Variants in LRRC4C observed in about 807,000 individuals in gnomAD.
LRRC4C encodes leucine rich repeat containing 4C.
Under a neutral mutation model 33.6 loss-of-function variants are expected in LRRC4C, and 5 were observed. That is an observed-to-expected ratio of 0.15 (90% CI 0.08 to 0.31). The LOEUF is 0.31. LRRC4C is among the 10% of genes least tolerant of loss of function. LRRC4C has a pLI of 1.00. For missense variants in LRRC4C, 560 were observed against 796.7 expected, an observed-to-expected ratio of 0.70 and a Z score of 3.58; for synonymous variants, 329 against 302.0, an observed-to-expected ratio of 1.09 and a Z score of -0.93.
chr11:40,961,954 G>A lies in LRRC4C; in HGVS notation c.-495-28231C>T, dbSNP rs556975687. On this transcript the variant is annotated intron_variant, in intron 1 of 6. Transcript: ENST00000528697. ...TCTTTTTGGAAATATATTTTTATAG[G>A]AGCACAGCCATACCCATTATTTATG... Among the ~76,000 whole-genome samples, 3 of 151,530 alleles carry A rather than the reference G, an allele frequency of 2.0e-5. No individual in the cohort carries two copies. In the South Asian group the frequency reaches 6.2e-4, roughly 31 times the overall value.
chr11:40,171,248 C>T (rs1190058489), intron 5 of LRRC4C, among the ~76,000 whole-genome samples: 1 of 152,102 alleles, frequency 6.6e-6, no homozygotes, highest in African/African-American at 2.4e-5. Flanking sequence ...AAACTTATTT[C>T]TACAGTCTTG....
In LRRC4C at chr11:40,344,258, C is replaced by A. The variant is rs530261502; in HGVS notation, c.-269-24537G>T. ...ATACATGCAAAAATCATCAACAAGA[C>A]ACTAGAAAACCAAACCCAGCAGCAC... On this transcript the variant is annotated intron_variant, in intron 3 of 6. Transcript: ENST00000528697. Among the ~76,000 whole-genome samples the A allele has an allele frequency of 2.6e-5, 4 of 152,122 alleles. 1 individual carries two copies. The East Asian group carries it at 7.7e-4, about 29-fold the overall frequency.
intron 1 of LRRC4C, among the ~76,000 whole-genome samples, chr11:41,404,405 G>A (rs952017183): frequency 1.3e-5 from 2 of 151,686 alleles, no homozygotes. Flanking sequence ...GATGGCCCAG[G>A]TATTTTCAGA....
intron 2 of LRRC4C, among the ~76,000 whole-genome samples, chr11:40,828,647 G>A (rs1333079972): frequency 6.6e-6 from 1 of 151,836 alleles, no homozygotes; most frequent in Non-Finnish European, 1.5e-5. Flanking sequence ...AAAAAAAATA[G>A]TCTTAAACAA....
intron 1 of LRRC4C, among the ~76,000 whole-genome samples, chr11:41,151,013 G>A (rs1057424415): frequency 1.3e-5 from 2 of 151,198 alleles, no homozygotes; most frequent in Non-Finnish European, 2.9e-5. Flanking sequence ...CCTGCTCCCT[G>A]CAACACACAC....
intron 2 of LRRC4C, among the ~76,000 whole-genome samples, chr11:40,835,690 A>G (rs1371353947): frequency 6.6e-6 from 1 of 152,204 alleles, no homozygotes; most frequent in Admixed American, 6.5e-5. Context: ...GATATCACAA[A>G]GAAAGACATA....
chr11:40,946,877 G>A (rs551918701), intron 1 of LRRC4C, among the ~76,000 whole-genome samples: 8 of 152,158 alleles, frequency 5.3e-5, no homozygotes, highest in African/African-American at 1.7e-4. Flanking sequence ...CATAAAGCCA[G>A]TCCCAATAAA....
At chr11:40,342,339 C>T (rs773756672) in intron 3 of LRRC4C, among the ~76,000 whole-genome samples, 5 of 151,922 alleles carry the variant, frequency 3.3e-5, no homozygotes, top group East Asian at 1.9e-4. Flanking sequence ...CATGGTGGTG[C>T]GCACCTCTAG....
At chr11:41,257,023 G>A (rs1463689599) in intron 1 of LRRC4C, among the ~76,000 whole-genome samples, 2 of 151,898 alleles carry the variant, frequency 1.3e-5, no homozygotes, top group Admixed American at 6.6e-5. Flanking sequence ...ATAAAGGTGG[G>A]ACCCAATCTA....
At chr11:40,225,529 T>C (rs945169137) in intron 5 of LRRC4C, among the ~76,000 whole-genome samples, 7 of 152,168 alleles carry the variant, frequency 4.6e-5, no homozygotes, top group East Asian at 1.9e-4. Context: ...GATGTTCTAA[T>C]TGGTTGTATA....
chr11:40,740,615 T>A (rs572781023), intron 2 of LRRC4C, among the ~76,000 whole-genome samples: 8 of 152,228 alleles, frequency 5.3e-5, no homozygotes, highest in Admixed American at 1.3e-4. Flanking sequence ...ATTTTCTTTG[T>A]TGTGCAGAAA....
At chr11:40,887,685 T>C (rs1035908821) in intron 2 of LRRC4C, among the ~76,000 whole-genome samples, 1 of 152,052 alleles carries the variant, frequency 6.6e-6, no homozygotes, top group African/African-American at 2.4e-5. Context: ...AAGGTAGGTC[T>C]ATGATCTCTC....
chr11:41,128,917 A>G (rs1243243281), intron 1 of LRRC4C, among the ~76,000 whole-genome samples: 1 of 152,110 alleles, frequency 6.6e-6, no homozygotes, highest in Non-Finnish European at 1.5e-5. Flanking sequence ...CACTTGTTTA[A>G]CTTGAACTTA....
intron 1 of LRRC4C, among the ~76,000 whole-genome samples, chr11:41,313,238 T>A (rs912489926): frequency 6.6e-6 from 1 of 152,212 alleles, no homozygotes; most frequent in South Asian, 2.1e-4. Flanking sequence ...TTCCTCAACA[T>A]GTCAAGGCTG....
chr11:41,360,657 C>A (rs1952323626), intron 1 of LRRC4C, among the ~76,000 whole-genome samples: 2 of 151,948 alleles, frequency 1.3e-5, no homozygotes, highest in Non-Finnish European at 2.9e-5. Flanking sequence ...GTAGAATATT[C>A]CCCCAGAGAA....
intron 1 of LRRC4C, among the ~76,000 whole-genome samples, chr11:41,440,681 C>A (rs960382657): frequency 6.6e-6 from 1 of 151,974 alleles, no homozygotes; most frequent in African/African-American, 2.4e-5. Flanking sequence ...ACGGGAGGGA[C>A]CTGGTGGGAG....
intron 1 of LRRC4C, among the ~76,000 whole-genome samples, chr11:41,097,813 C>G (rs1337028466): frequency 6.6e-6 from 1 of 152,108 alleles, no homozygotes; most frequent in East Asian, 1.9e-4. Context: ...CTAAATCACA[C>G]CAAGACCACT....
intron 1 of LRRC4C, among the ~76,000 whole-genome samples, chr11:40,980,314 T>C (rs961216670): frequency 6.6e-6 from 1 of 152,178 alleles, no homozygotes; most frequent in African/African-American, 2.4e-5. Flanking sequence ...GCAAGAAAAG[T>C]TTGTTGTTGT....
At chr11:40,733,898 A>C (rs572742772) in intron 2 of LRRC4C, among the ~76,000 whole-genome samples, 11 of 152,260 alleles carry the variant, frequency 7.2e-5, no homozygotes, top group African/African-American at 2.6e-4. Flanking sequence ...AGGATCCTTA[A>C]ATTTTGAGAA....
Sources: allele counts gnomAD v4.1 joint callset (sites outside exome capture counted in the v4.1 genomes callset), GRCh38; gene constraint gnomAD v4.1.1; transcripts MANE v1.5; gene names NCBI Gene and HGNC (gene_info 2026-07-23, HGNC 2026-07-21).